Variants in AKAP13 observed in about 807,000 individuals in gnomAD.
AKAP13 encodes A-kinase anchoring protein 13.
A neutral mutation model predicts 264.5 loss-of-function variants in AKAP13; 80 were observed. The ratio of observed to expected loss-of-function variants is 0.30; its 90% confidence interval spans 0.25 to 0.36. AKAP13 has a LOEUF of 0.36. Among genes scored for constraint, AKAP13 ranks in the 10% least tolerant of loss-of-function variants. The probability of loss-of-function intolerance (pLI) is 1.00; values close to 1 mark genes in which losing one functional copy is unlikely to be tolerated. For synonymous variants in AKAP13, 1,380 were observed against 1,250.2 expected (o/e 1.10, Z -2.19); for missense variants, 3,712 against 3,435.2 (o/e 1.08, Z -2.01).
chr15:85,401,253 T>C (rs1325584648), intron 1 of AKAP13, among the ~76,000 whole-genome samples: 2 of 152,150 alleles, frequency 1.3e-5, no homozygotes, highest in Non-Finnish European at 2.9e-5. Context: ...GTGGGAGGGC[T>C]TCTGTGGTCT....
chr15:85,639,208 T>TGTG (rs2082196791), intron 8 of AKAP13, among the ~76,000 whole-genome samples, 166 bp from the exon 9 acceptor site: 1 of 152,190 alleles, frequency 6.6e-6, no homozygotes, highest in Non-Finnish European at 1.5e-5. Flanking sequence ...TATAGATTGC[T>TGTG]GTGGTAATAT....
chr15:85,631,365 A>G (rs1422531349), intron 8 of AKAP13, among the ~76,000 whole-genome samples: 1 of 152,200 alleles, frequency 6.6e-6, no homozygotes, highest in Non-Finnish European at 1.5e-5. Context: ...GGTGATGGTT[A>G]CACAACTCTA....
At chr15:85,639,559 G>A (rs1041797925) in intron 9 of AKAP13, 110 bp downstream of exon 9, 21 of 802,748 alleles carry the variant, frequency 2.6e-5, no homozygotes, top group South Asian at 5.7e-5. Context: ...ATCAGAGGAA[G>A]GGATGTATGT....
chr15:85,699,905 T>C (rs964410852), intron 17 of AKAP13, among the ~76,000 whole-genome samples: 7 of 152,228 alleles, frequency 4.6e-5, no homozygotes, highest in Admixed American at 2.6e-4. Context: ...TTGAAAGTTA[T>C]AGACAGTCTT....
chr15:85,645,721 A>T, intron 9 of AKAP13, 97 bp from the exon 10 acceptor site: 1 of 1,289,474 alleles, frequency 7.8e-7, no homozygotes, highest in Non-Finnish European at 1.0e-6. Flanking sequence ...GAGATTTAAA[A>T]GACTGGTTGC....
intron 1 of AKAP13, among the ~76,000 whole-genome samples, chr15:85,425,394 A>G (rs1208408321): frequency 1.6e-4 from 24 of 152,024 alleles, no homozygotes; most frequent in Admixed American, 1.6e-3. Flanking sequence ...TGTCAAACTA[A>G]TTTTTTCATT....
chr15:85,527,215 G>T (rs1199751372), intron 3 of AKAP13, among the ~76,000 whole-genome samples: 1 of 152,182 alleles, frequency 6.6e-6, no homozygotes, highest in East Asian at 1.9e-4. Context: ...CGCCCGCCTT[G>T]GCCTCCCACA....
chr15:85,690,048 C>T (rs1325117258), intron 16 of AKAP13: 2 of 152,366 alleles, frequency 1.3e-5, no homozygotes, highest in Admixed American at 6.5e-5. Flanking sequence ...AAAATGGGCT[C>T]GGTTTCATGA....
chr15:85,413,922 C>T (rs1247125235), intron 1 of AKAP13, among the ~76,000 whole-genome samples: 2 of 152,078 alleles, frequency 1.3e-5, no homozygotes, highest in African/African-American at 4.8e-5. Context: ...CATTATACTC[C>T]TCTATTAAAG....
intron 35 of AKAP13, among the ~76,000 whole-genome samples, chr15:85,741,697 T>TAAA (rs56782497): frequency 9.4e-6 from 1 of 106,340 alleles, no homozygotes. Context: ...CTGTCTCTCC[T>TAAA]AAAAAAAAAA....
At chr15:85,400,725 T>C (rs1184646923) in intron 1 of AKAP13, among the ~76,000 whole-genome samples, 1 of 152,034 alleles carries the variant, frequency 6.6e-6, no homozygotes, top group Non-Finnish European at 1.5e-5. Flanking sequence ...GGTGATCTCT[T>C]GGCACTGTTG....
intron 2 of AKAP13, among the ~76,000 whole-genome samples, chr15:85,497,332 A>T (rs1486918489): frequency 1.3e-5 from 2 of 152,212 alleles, no homozygotes; most frequent in East Asian, 3.8e-4. Context: ...TACCTGTTGG[A>T]GTGCTGCTAG....
intron 8 of AKAP13, among the ~76,000 whole-genome samples, chr15:85,594,293 G>C (rs1168641706): frequency 6.6e-6 from 1 of 152,164 alleles, no homozygotes; most frequent in East Asian, 1.9e-4. Flanking sequence ...ATGCTGAAAT[G>C]AAAGTAGATG....
At chr15:85,734,801 C>A (rs2088319779) in intron 30 of AKAP13, among the ~76,000 whole-genome samples, 191 bp from the exon 31 acceptor site, 1 of 152,218 alleles carries the variant, frequency 6.6e-6, no homozygotes, top group Non-Finnish European at 1.5e-5. Flanking sequence ...AAGGTCTCAT[C>A]TCTAAATTTC....
Position 85,550,560 on chromosome 15 carries a change from G to C in AKAP13, c.662+6605G>C, listed in dbSNP as rs141223515. The stretch of plus-strand genomic sequence containing the variant: ...AATGGAACCAAGTGCTATTGAGCAA[G>C]ATGTTCTGCCAACATAGTAATTTTG... On this transcript the variant is annotated intron_variant, in intron 5 of 36. Transcript: ENST00000394518. Among the ~76,000 whole-genome samples, 3 of 152,356 alleles carry C rather than the reference G, an allele frequency of 2.0e-5. No individual in the cohort carries two copies. The East Asian group carries it at 5.8e-4, about 29-fold the overall frequency.
At chr15:85,726,937 T>TA in intron 27 of AKAP13, 129 bp from the exon 28 acceptor site, 1 of 963,872 alleles carries the variant, frequency 1.0e-6, no homozygotes, top group Non-Finnish European at 1.6e-6. Context: ...CTCTTTATCC[T>TA]AAAGTAGCCC....
chr15:85,593,216 G>C (rs1282044562), intron 8 of AKAP13, among the ~76,000 whole-genome samples: 1 of 152,146 alleles, frequency 6.6e-6, no homozygotes, highest in Admixed American at 6.5e-5. Flanking sequence ...GGAGGCTGAG[G>C]CATGAGAATT....
intron 1 of AKAP13, among the ~76,000 whole-genome samples, chr15:85,475,150 G>A (rs553144207): frequency 6.6e-6 from 1 of 152,276 alleles, no homozygotes; most frequent in South Asian, 2.1e-4. Flanking sequence ...CTTGAATTTG[G>A]CAGTCTCTTT....
Position 85,580,594 on chromosome 15 carries a change from C to T in AKAP13, c.2526C>T (p.Asp842=), listed in dbSNP as rs778097997. ...SNEPDTRPLE[D]RAVGLSTSST... is the part of the protein sequence containing the mutation. ...AGCCTGATACGCGGCCACTAGAAGA[C>T]AGGGCAGTAGGCCTGTCCACATCCT... The change falls in exon 7 of 37, where the codon GAC becomes GAT. Residue 842 remains aspartate (D), a synonymous_variant. Transcript: ENST00000394518. The T allele has an allele frequency of 4.3e-6, 7 of 1,614,222 alleles. No homozygotes were observed. In the East Asian group the frequency reaches 1.3e-4, roughly 31 times the overall value.
Sources: gnomAD v4.1 joint callset for allele counts (sites outside exome capture counted in the v4.1 genomes callset) on GRCh38, gnomAD v4.1.1 for gene constraint, MANE v1.5 for transcripts, NCBI Gene and HGNC (gene_info 2026-07-23, HGNC 2026-07-21) for gene names.